XPO4: variants seen among roughly 807,000 people sequenced by gnomAD.
XPO4 encodes the protein exportin-4.
XPO4 carries 39 observed loss-of-function variants against 143.0 expected under a neutral mutation model. That is an observed-to-expected ratio of 0.27 (90% CI 0.21 to 0.36). XPO4 has a LOEUF of 0.36. XPO4 is among the 10% of genes least tolerant of loss of function. XPO4 has a pLI of 1.00. For synonymous variants in XPO4, 439 were observed against 474.0 expected, an observed-to-expected ratio of 0.93 and a Z score of 0.96; for missense variants, 907 against 1,348.0, an observed-to-expected ratio of 0.67 and a Z score of 5.12.
intron 1 of XPO4, among the ~76,000 whole-genome samples, chr13:20,875,840 C>T (rs543463352): frequency 6.6e-6 from 1 of 152,116 alleles, no homozygotes; most frequent in Non-Finnish European, 1.5e-5. Context: ...GCATACAGGT[C>T]TCCCAAAATT....
intron 9 of XPO4, among the ~76,000 whole-genome samples, chr13:20,820,832 T>C (rs1342489407): frequency 6.6e-6 from 1 of 152,226 alleles, no homozygotes; most frequent in Admixed American, 6.6e-5. Flanking sequence ...ACATACACGT[T>C]GGCAGAATCT....
chr13:20,808,686 A>G (rs2059538539), intron 11 of XPO4, 105 bp from the exon 12 acceptor site: 1 of 972,282 alleles, frequency 1.0e-6, no homozygotes, highest in Non-Finnish European at 1.4e-6. Context: ...GTTAGCGTAA[A>G]AACACATATA....
At chr13:20,854,500 T>C (rs1416337682) in intron 4 of XPO4, among the ~76,000 whole-genome samples, 1 of 152,182 alleles carries the variant, frequency 6.6e-6, no homozygotes, top group African/African-American at 2.4e-5. Context: ...CAAACAGTTA[T>C]AAGGTACATA....
At position 20,843,875 on chromosome 13, in the gene XPO4, G is replaced by C; in HGVS notation, c.468C>G (p.Ala156=). 1 of 1,611,370 alleles carries C rather than the reference G, an allele frequency of 6.2e-7. No individual in the cohort carries two copies. The highest frequency in any genetic ancestry group is 8.5e-7 in the Non-Finnish European group (1 of 1,178,650). Residue 156 remains alanine (A), a synonymous_variant, in exon 5 of 23, where the codon GCC becomes GCG. Coordinates refer to ENST00000255305, the MANE Select transcript of XPO4 (RefSeq NM_022459.5). ...TCAATAGCGCAGTCAGAATAGAACA[G>C]GCCAGAGTTTGCTGTAATTATTTGA... The part of the protein sequence containing the change: ...SSGNPTVQTL[A]CSILTALLSE...
At chr13:20,830,756 C>T (rs1595106764) in intron 6 of XPO4, among the ~76,000 whole-genome samples, 1 of 152,196 alleles carries the variant, frequency 6.6e-6, no homozygotes, top group East Asian at 1.9e-4. Context: ...TTTTAGTTAT[C>T]AGACTGTACC....
intron 1 of XPO4, among the ~76,000 whole-genome samples, chr13:20,890,463 A>C (rs1033108179): frequency 2.6e-5 from 4 of 151,698 alleles, no homozygotes; most frequent in African/African-American, 9.7e-5. Flanking sequence ...AAAAAAAAGA[A>C]ATAAAGAAAT....
chr13:20,849,962 C>T (rs557199365), intron 4 of XPO4: 6 of 568,358 alleles, frequency 1.1e-5, no homozygotes, highest in Non-Finnish European at 1.3e-5. Flanking sequence ...AAAAATTAGC[C>T]GGGCATAGTG....
chr13:20,815,952 CAGG>C (rs1183658166), intron 9 of XPO4, among the ~76,000 whole-genome samples: 2 of 152,174 alleles, frequency 1.3e-5, no homozygotes, highest in Admixed American at 6.5e-5. Flanking sequence ...CATGCAATAA[CAGG>C]AGAAGGAAAA....
At chr13:20,831,804 A>ATTTTTTTTT (rs34302388) in intron 6 of XPO4, among the ~76,000 whole-genome samples, 16 of 88,780 alleles carry the variant, frequency 1.8e-4, no homozygotes, top group South Asian at 4.6e-4. Context: ...TAGTACAGTG[A>ATTTTTTTTT]TTTTTTTTTT....
chr13:20,885,033 G>A (rs999108417), intron 1 of XPO4, among the ~76,000 whole-genome samples: 72 of 151,898 alleles, frequency 4.7e-4, no homozygotes, highest in African/African-American at 1.6e-3. Context: ...GTGCAATCTC[G>A]GCTCACTGCA....
chr13:20,896,213 A>G (rs1304219084), intron 1 of XPO4, among the ~76,000 whole-genome samples: 1 of 152,176 alleles, frequency 6.6e-6, no homozygotes, highest in Non-Finnish European at 1.5e-5. Context: ...CAAGTCCCCA[A>G]ACCCTTCACA....
intron 1 of XPO4, among the ~76,000 whole-genome samples, chr13:20,877,167 G>A (rs1323743023): frequency 3.3e-5 from 5 of 152,188 alleles, no homozygotes; most frequent in Non-Finnish European, 7.3e-5. Context: ...AATTGCACTG[G>A]ACATAATTAA....
chr13:20,896,357 T>G (rs1246239579), intron 1 of XPO4, among the ~76,000 whole-genome samples: 2 of 152,228 alleles, frequency 1.3e-5, no homozygotes, highest in Non-Finnish European at 2.9e-5. Flanking sequence ...CTTAACCGGA[T>G]TGACCTTTCA....
Position 20,798,796 on chromosome 13 carries a change from G to C in XPO4, c.2322+369C>G, listed in dbSNP as rs551341664. ...GCACTTTGGGAGGCCAAGGCGGGCA[G>C]ATTGCTTGAGGCCAGGAGTTCGAGA... is the stretch of plus-strand genomic sequence containing the variant. On this transcript the variant is annotated intron_variant, in intron 16 of 22. Coordinates refer to ENST00000255305, the MANE Select transcript of XPO4 (RefSeq NM_022459.5). Among the ~76,000 whole-genome samples, 11 of 152,214 alleles carry C rather than the reference G, an allele frequency of 7.2e-5. No individual in the cohort carries two copies. The South Asian group carries it at 2.1e-3, about 29-fold the overall frequency.
rs371734466 is a variant in XPO4, at chr13:20,881,740, G to A, written c.70-13039C>T. 2.0e-5 allele frequency among the ~76,000 whole-genome samples: 3 copies of A among 152,164 alleles called. No individual in the cohort carries two copies. The East Asian group carries it at 5.8e-4, about 29-fold the overall frequency. On this transcript the variant is annotated intron_variant, in intron 1 of 22. Transcript: ENST00000255305. ...ACACCTAAGATTTGTGAATTTTCTT[G>A]TGTTAATATACTTCAATAAAATATA...
intron 6 of XPO4, among the ~76,000 whole-genome samples, chr13:20,834,327 A>T (rs985157466): frequency 2.0e-5 from 3 of 152,224 alleles, no homozygotes; most frequent in Non-Finnish European, 4.4e-5. Context: ...TTCTCTATAT[A>T]GTGTGAAAAT....
intron 1 of XPO4, chr13:20,878,977 TG>T: frequency 4.0e-6 from 2 of 495,948 alleles, no homozygotes; most frequent in Non-Finnish European, 5.2e-6. Flanking sequence ...ACAAAAATGG[TG>T]GACAAAATTT....
At chr13:20,873,035 A>G (rs963554026) in intron 1 of XPO4, among the ~76,000 whole-genome samples, 1 of 151,962 alleles carries the variant, frequency 6.6e-6, no homozygotes, top group African/African-American at 2.4e-5. Flanking sequence ...ATGGAATCCC[A>G]TAAATCAGAA....
chr13:20,798,548 G>A (rs1489723100), intron 16 of XPO4, among the ~76,000 whole-genome samples: 1 of 152,174 alleles, frequency 6.6e-6, no homozygotes, highest in East Asian at 1.9e-4. Flanking sequence ...GATCCCTAAT[G>A]AAAATTTAAT....
Sources: allele counts gnomAD v4.1 joint callset (sites outside exome capture counted in the v4.1 genomes callset), GRCh38; gene constraint gnomAD v4.1.1; transcripts MANE v1.5; gene names NCBI Gene and HGNC (gene_info 2026-07-23, HGNC 2026-07-21).